Variants in VPS8 observed in about 807,000 individuals in gnomAD.
VPS8 encodes VPS8 subunit of CORVET complex, also known as vacuolar protein sorting-associated protein 8 homolog.
Under a neutral mutation model 216.4 loss-of-function variants are expected in VPS8, and 129 were observed. The observed-to-expected ratio is 0.60, with a 90% confidence interval of 0.52 to 0.69. The LOEUF is 0.69. Among genes scored for constraint, VPS8 ranks in the 30% least tolerant of loss-of-function variants. The pLI is 0.00. For missense variants in VPS8, 1,531 were observed against 1,683.5 expected (o/e 0.91, Z 1.59); for synonymous variants, 571 against 565.4 (o/e 1.01, Z -0.14).
At chr3:184,899,993 G>T (rs1193568137) in intron 24 of VPS8, among the ~76,000 whole-genome samples, 1 of 152,204 alleles carries the variant, frequency 6.6e-6, no homozygotes, top group East Asian at 1.9e-4. Context: ...ACTTAAAGAG[G>T]TCTGAATTAA....
intron 42 of VPS8, among the ~76,000 whole-genome samples, chr3:184,992,584 T>TA (rs1172168583): frequency 6.6e-6 from 1 of 152,080 alleles, no homozygotes; most frequent in African/African-American, 2.4e-5. Context: ...AACTTAGTAA[T>TA]ATGTTAAACA....
At chr3:185,034,537 G>T (rs1758603734) in intron 46 of VPS8, among the ~76,000 whole-genome samples, 1 of 152,106 alleles carries the variant, frequency 6.6e-6, no homozygotes, top group Middle Eastern at 3.4e-3. Context: ...TGGATATTAG[G>T]TCTTTGTTGG....
At chr3:184,910,055 G>A (rs1457916436) in intron 25 of VPS8, among the ~76,000 whole-genome samples, 1 of 151,838 alleles carries the variant, frequency 6.6e-6, no homozygotes, top group Non-Finnish European at 1.5e-5. Context: ...CATGGGTCAG[G>A]GGTCAGACAG....
chr3:184,987,362 C>T (rs1383465521), intron 42 of VPS8, among the ~76,000 whole-genome samples: 2 of 152,020 alleles, frequency 1.3e-5, no homozygotes, highest in African/African-American at 4.8e-5. Flanking sequence ...GATCTGCCCA[C>T]CTCTGCCTCC....
intron 1 of VPS8, among the ~76,000 whole-genome samples, chr3:184,822,432 TTAATA>T (rs1467462719): frequency 2.0e-5 from 3 of 152,230 alleles, no homozygotes; most frequent in Non-Finnish European, 2.9e-5. Context: ...TTGGAACCTC[TTAATA>T]ACTCCAGATA....
chr3:184,996,069 A>C (rs535756279), intron 43 of VPS8, among the ~76,000 whole-genome samples: 1 of 152,266 alleles, frequency 6.6e-6, no homozygotes, highest in African/African-American at 2.4e-5. Context: ...GGCAGAGCTC[A>C]CATTTCTCAA....
At chr3:184,982,946 A>G (rs559159823) in intron 41 of VPS8, 66 bp from the exon 42 acceptor site, 2 of 1,387,892 alleles carry the variant, frequency 1.4e-6, no homozygotes, top group South Asian at 1.5e-5. Flanking sequence ...TTTTCCACAG[A>G]CTTATAGGAA....
At position 184,982,525 on chromosome 3, in the gene VPS8, T is replaced by C; in HGVS notation, c.3421-41T>C. 3 of 1,472,746 alleles carry C rather than the reference T, an allele frequency of 2.0e-6. No individual in the cohort carries two copies. The East Asian group carries it at 6.8e-5, about 33-fold the overall frequency. The allele number at this position is 1,472,746 out of a possible 1,614,324, so 91.2% of individuals were successfully genotyped here. On this transcript the variant is annotated intron_variant, in intron 40 of 47. Coordinates refer to ENST00000625842, the MANE Select transcript of VPS8 (RefSeq NM_001009921.3). ...TTCTTTTGTTTTTCATTGTTTTCTTTGACCACTTTTCTTTTTCTTTGATTT... is the reference window on the plus strand; with the variant it reads ...TTCTTTTGTTTTTCATTGTTTTCTTCGACCACTTTTCTTTTTCTTTGATTT...
intron 37 of VPS8, among the ~76,000 whole-genome samples, chr3:184,962,588 G>A (rs1746706827): frequency 1.3e-5 from 2 of 151,998 alleles, no homozygotes; most frequent in Non-Finnish European, 2.9e-5. Flanking sequence ...AGTTCAAGAA[G>A]TTTTTTCTGA....
intron 40 of VPS8, 25 bp from the exon 41 acceptor site, chr3:184,982,541 T>C: frequency 6.4e-7 from 1 of 1,564,662 alleles, no homozygotes; most frequent in Non-Finnish European, 8.7e-7. Flanking sequence ...CTTTTCTTTT[T>C]CTTTGATTTT....
intron 29 of VPS8, among the ~76,000 whole-genome samples, 174 bp downstream of exon 29, chr3:184,920,372 T>A (rs1298575979): frequency 6.6e-6 from 1 of 151,022 alleles, no homozygotes; most frequent in African/African-American, 2.5e-5. Context: ...TTATTTATTT[T>A]AAAAAATTTT....
rs1553857846 is a variant in VPS8, at chr3:184,894,508, G to GTGTATATATA, written c.1782-194_1782-193insGTATATATAT. 6.1e-3 allele frequency among the ~76,000 whole-genome samples: 808 copies of GTGTATATATA among 133,034 alleles called. 9 individuals are homozygous for GTGTATATATA. Among genetic ancestry groups the GTGTATATATA allele is most frequent in the African/African-American group, 0.021 (757 of 36,276 alleles). The allele number at this position is 133,034 out of a possible 152,430, so 87.3% of individuals were successfully genotyped here. On this transcript the variant is annotated intron_variant, in intron 22 of 47. Transcript: ENST00000625842. ...TTTATATATATGTATATATACACACGTATATATATATATATATATATATAC... is the reference window on the plus strand; with the variant it reads ...TTTATATATATGTATATATACACACGTGTATATATATATATATATATATATATATATATAC...
At chr3:184,961,207 A>C (rs1560878291) in intron 37 of VPS8, among the ~76,000 whole-genome samples, 1 of 152,086 alleles carries the variant, frequency 6.6e-6, no homozygotes, top group East Asian at 1.9e-4. Flanking sequence ...TCTTGTTTCT[A>C]AATGAAAATG....
chr3:184,908,859 G>A (rs1277934099), intron 25 of VPS8, among the ~76,000 whole-genome samples: 2 of 152,226 alleles, frequency 1.3e-5, no homozygotes, highest in Admixed American at 6.5e-5. Context: ...TGGGGCTACT[G>A]TGGGCTCAGA....
intron 45 of VPS8, among the ~76,000 whole-genome samples, chr3:185,016,041 C>G (rs557185368): frequency 2.6e-4 from 39 of 152,286 alleles, no homozygotes; most frequent in African/African-American, 8.9e-4. Context: ...TCTGCCTCAG[C>G]GTCTTTTGTT....
chr3:185,016,509 G>A (rs543911131), intron 45 of VPS8, among the ~76,000 whole-genome samples: 62 of 152,274 alleles, frequency 4.1e-4, no homozygotes, highest in Non-Finnish European at 8.1e-4. Context: ...CAATGAAAAC[G>A]CTTAGCAGGC....
At chr3:184,876,330 T>C (rs921882550) in intron 21 of VPS8, among the ~76,000 whole-genome samples, 15 of 152,106 alleles carry the variant, frequency 9.9e-5, no homozygotes, top group Non-Finnish European at 1.5e-5. Context: ...TTCAAAATCA[T>C]TTGAAGATAT....
At chr3:184,920,266 CAGGT>C in intron 29 of VPS8, 68 bp downstream of exon 29, 1 of 1,059,974 alleles carries the variant, frequency 9.4e-7, no homozygotes, top group Non-Finnish European at 1.3e-6. Context: ...TGTTTTATAG[CAGGT>C]TATAAAATAA....
At chr3:184,833,518 A>G (rs79191026) in intron 4 of VPS8, among the ~76,000 whole-genome samples, 392 of 152,266 alleles carry the variant, frequency 2.6e-3, no homozygotes, top group African/African-American at 8.9e-3. Flanking sequence ...TCCTTCAAAT[A>G]GATAACTTAA....
Sources: gnomAD v4.1 joint callset for allele counts (sites outside exome capture counted in the v4.1 genomes callset) on GRCh38, gnomAD v4.1.1 for gene constraint, MANE v1.5 for transcripts, NCBI Gene and HGNC (gene_info 2026-07-23, HGNC 2026-07-21) for gene names.